Variants in SLC16A6 observed in about 807,000 individuals in gnomAD.
SLC16A6 encodes the protein monocarboxylate transporter 7.
SLC16A6 carries 15 observed loss-of-function variants against 33.8 expected under a neutral mutation model. That is an observed-to-expected ratio of 0.44 (90% CI 0.30 to 0.68). The LOEUF (loss-of-function observed/expected upper bound fraction) is 0.68. SLC16A6 is among the 30% of genes least tolerant of loss of function. The probability of loss-of-function intolerance (pLI) is 0.10; values close to 1 mark genes in which losing one functional copy is unlikely to be tolerated. For synonymous variants in SLC16A6, 219 were observed against 248.4 expected, an observed-to-expected ratio of 0.88 and a Z score of 1.11; for missense variants, 451 against 661.5, an observed-to-expected ratio of 0.68 and a Z score of 3.49.
At chr17:68,287,276 G>T (rs1377263957) in intron 1 of SLC16A6, among the ~76,000 whole-genome samples, 1 of 151,294 alleles carries the variant, frequency 6.6e-6, no homozygotes, top group Admixed American at 6.6e-5. Flanking sequence ...GTATCTAAAC[G>T]ATAGTGCTGG....
chr17:68,276,210 C>T (rs1322645072), intron 2 of SLC16A6, among the ~76,000 whole-genome samples: 2 of 151,706 alleles, frequency 1.3e-5, no homozygotes, highest in African/African-American at 4.8e-5. Context: ...TCTCCTGCCT[C>T]AGCCTTCCGA....
chr17:68,283,226 C>G (rs2075753672), intron 1 of SLC16A6: 1 of 151,778 alleles, frequency 6.6e-6, no homozygotes, highest in Non-Finnish European at 1.5e-5. Flanking sequence ...GTCAGGAATT[C>G]AAGACCAGAC....
At position 68,270,947 on chromosome 17, in the gene SLC16A6, G is replaced by C. The variant is rs782346951; in HGVS notation, c.1213C>G (p.Pro405Ala). 6.2e-6 allele frequency: 10 copies of C among 1,614,086 alleles called. No homozygotes were observed. In the African/African-American group the frequency reaches 1.3e-4, roughly 22 times the overall value. ...ACGACATCATCCTCAGCAAGCAGTG[G>C]AATGTGAGTCCCTCCTATTGTTCCA... ...MVGTIGGTHI[P>A]LLAEDDVVGI... Residue 405 changes from proline (P) to alanine (A), a missense_variant, in exon 5 of 6, where the codon CCA (proline) becomes GCA (alanine). Physicochemically the swap from Pro to Ala is conservative, Grantham distance 27 (BLOSUM62 -1). Coordinates refer to ENST00000580666, the MANE Select transcript of SLC16A6 (RefSeq NM_004694.5).
rs1270080163 is a variant in SLC16A6, at chr17:68,268,081, C to T, written c.*1015G>A. The T allele has an allele frequency of 5.9e-5, 9 of 152,148 alleles. No homozygotes were observed. The highest frequency in any genetic ancestry group is 1.2e-4 in the Non-Finnish European group (8 of 68,024). The allele number at this position is 152,148 out of a possible 1,614,324, so 9.4% of individuals were successfully genotyped here. Reference sequence around the variant, plus strand: ...TTATTTTTTCCCCTTTAATAGCACACGTTGCCCCTAATCAAATGGAAGAAT... The same window carrying T: ...TTATTTTTTCCCCTTTAATAGCACATGTTGCCCCTAATCAAATGGAAGAAT... On this transcript the variant is annotated 3_prime_UTR_variant, in exon 6 of 6. Coordinates refer to ENST00000580666, the MANE Select transcript of SLC16A6 (RefSeq NM_004694.5).
intron 2 of SLC16A6, among the ~76,000 whole-genome samples, chr17:68,277,516 G>A (rs1454031475): frequency 3.3e-5 from 5 of 152,042 alleles, no homozygotes; most frequent in Non-Finnish European, 7.4e-5. Context: ...TGCAACCTCC[G>A]CCTCCTGGGT....
chr17:68,277,836 G>C (rs2075573795), intron 2 of SLC16A6, among the ~76,000 whole-genome samples: 1 of 152,222 alleles, frequency 6.6e-6, no homozygotes, highest in African/African-American at 2.4e-5. Flanking sequence ...AGAGTGTGCA[G>C]ACAGCAGATG....
intron 1 of SLC16A6, among the ~76,000 whole-genome samples, chr17:68,286,558 G>C: frequency 6.6e-6 from 1 of 152,112 alleles, no homozygotes; most frequent in Non-Finnish European, 1.5e-5. Flanking sequence ...AGGCTGAAGT[G>C]CAGTGGCACG....
chr17:68,275,135 A>G (rs959109672), intron 2 of SLC16A6, among the ~76,000 whole-genome samples: 20 of 152,220 alleles, frequency 1.3e-4, no homozygotes, highest in Admixed American at 2.0e-4. Flanking sequence ...GCACTCCTGA[A>G]GGAGAGTTGC....
intron 1 of SLC16A6, among the ~76,000 whole-genome samples, chr17:68,281,013 C>G (rs1381550263): frequency 6.6e-6 from 1 of 151,718 alleles, no homozygotes; most frequent in Admixed American, 6.6e-5. Flanking sequence ...GTAGTCCCAG[C>G]TGCTTGGGAG....
At chr17:68,272,373 A>G (rs2075371013) in intron 4 of SLC16A6, among the ~76,000 whole-genome samples, 1 of 152,250 alleles carries the variant, frequency 6.6e-6, no homozygotes, top group African/African-American at 2.4e-5. Context: ...TTACTAGATT[A>G]TTCTGGAATG....
rs1235703590 is a variant in SLC16A6, at chr17:68,271,205, C to T, written c.955G>A (p.Gly319Ser). ...FAPSLYIIPLGISLGIDQDRA... is the reference protein window; with the variant it reads ...FAPSLYIIPLSISLGIDQDRA... ...TCCTGGTCAATGCCCAGACTAATGC[C>T]CAGAGGAATGATGTACAAGGAAGGT... The change falls in exon 5 of 6, where the codon GGC becomes AGC. Residue 319 changes from glycine (G) to serine (S), a missense_variant. Around this residue, in one of 2 missense-constraint regions of SLC16A6, gnomAD observed 405 missense variants for 510.7 expected, o/e 0.79. Transcript: ENST00000580666. The surrounding 1 kb of genome is among the most constrained non-coding windows in gnomAD (Gnocchi z 5.3). The T allele has an allele frequency of 6.2e-6, 10 of 1,613,854 alleles. No individual in the cohort carries two copies. The highest frequency in any genetic ancestry group is 1.3e-5 in the African/African-American group (1 of 74,918).
chr17:68,271,191 G>A lies in SLC16A6; in HGVS notation c.969C>T (p.Gly323=). The part of the protein sequence containing the change: ...LYIIPLGISL[G]IDQDRAAFLL... ...AAAAAGCAGCGCGGTCCTGGTCAATGCCCAGACTAATGCCCAGAGGAATGA... is the reference window on the plus strand; with the variant it reads ...AAAAAGCAGCGCGGTCCTGGTCAATACCCAGACTAATGCCCAGAGGAATGA... Residue 323 remains glycine (G), a synonymous_variant, in exon 5 of 6, where the codon GGC becomes GGT. Transcript: ENST00000580666. The surrounding 1 kb of genome is among the most constrained non-coding windows in gnomAD (Gnocchi z 5.3). 1 of 1,613,986 alleles carries A rather than the reference G, an allele frequency of 6.2e-7. No homozygotes were observed. Among genetic ancestry groups the A allele is most frequent in the Non-Finnish European group, 8.5e-7 (1 of 1,180,036 alleles).
At chr17:68,287,276 G>A (rs1377263957) in intron 1 of SLC16A6, among the ~76,000 whole-genome samples, 2 of 151,294 alleles carry the variant, frequency 1.3e-5, no homozygotes, top group Non-Finnish European at 2.9e-5. Context: ...GTATCTAAAC[G>A]ATAGTGCTGG....
chr17:68,273,839 T>C (rs1325103095), intron 3 of SLC16A6, 88 bp downstream of exon 3: 2 of 1,451,478 alleles, frequency 1.4e-6, no homozygotes, highest in South Asian at 1.3e-5. Flanking sequence ...GAGAAAGAAA[T>C]ATAGTTTGGC....
chr17:68,287,932 CTTCTT>C (rs1188785804), intron 1 of SLC16A6, among the ~76,000 whole-genome samples: 29 of 150,392 alleles, frequency 1.9e-4, no homozygotes, highest in African/African-American at 6.1e-4. Flanking sequence ...TTTCTCTTCT[CTTCTT>C]CTCTTCTCTC....
At chr17:68,273,305 C>T (rs1370092161) in intron 3 of SLC16A6, among the ~76,000 whole-genome samples, 1 of 151,886 alleles carries the variant, frequency 6.6e-6, no homozygotes, top group African/African-American at 2.4e-5. Context: ...ACCTCCCAGG[C>T]TCAAGTGATC....
chr17:68,274,254 C>T, intron 2 of SLC16A6, 184 bp from the exon 3 acceptor site: 1 of 537,078 alleles, frequency 1.9e-6, no homozygotes, highest in Non-Finnish European at 3.2e-6. Context: ...TCGCTTGAGC[C>T]CAGGAGTTCA....
intron 2 of SLC16A6, 98 bp downstream of exon 2, chr17:68,277,991 A>T: frequency 2.6e-6 from 2 of 759,216 alleles, no homozygotes; most frequent in East Asian, 5.3e-5. Context: ...CGTATAAGGG[A>T]ATGAAAGCAT....
At chr17:68,291,053 C>G (rs1291981283) in intron 1 of SLC16A6, 33 bp downstream of exon 1, 2 of 152,234 alleles carry the variant, frequency 1.3e-5, no homozygotes, top group African/African-American at 4.8e-5. Flanking sequence ...CACAATCAAA[C>G]TTTTAAACAT....
Sources: allele counts gnomAD v4.1 joint callset (sites outside exome capture counted in the v4.1 genomes callset), GRCh38; gene constraint gnomAD v4.1.1; regional missense constraint gnomAD v4.1.1; non-coding constraint Gnocchi (gnomAD v3.1); transcripts MANE v1.5; gene names NCBI Gene and HGNC (gene_info 2026-07-23, HGNC 2026-07-21).